The following KCNH8 variants were observed in gnomAD, a reference collection of about 807,000 sequenced individuals.
The protein encoded by KCNH8 is potassium voltage-gated channel subfamily H member 8.
A neutral mutation model predicts 103.6 loss-of-function variants in KCNH8; 70 were observed. The ratio of observed to expected loss-of-function variants is 0.68; its 90% CI spans 0.56 to 0.82. The LOEUF is 0.82. Among genes scored for constraint, KCNH8 ranks in the 40% least tolerant of loss-of-function variants. The pLI is 0.00. For synonymous variants in KCNH8, 498 were observed against 489.4 expected, an observed-to-expected ratio of 1.02 and a Z score of -0.23; for missense variants, 1,217 against 1,329.9, an observed-to-expected ratio of 0.92 and a Z score of 1.32.
At chr3:19,406,460 T>C (rs1229710188) in intron 7 of KCNH8, among the ~76,000 whole-genome samples, 1 of 152,156 alleles carries the variant, frequency 6.6e-6, no homozygotes, top group East Asian at 1.9e-4. Flanking sequence ...ATAACCTGTT[T>C]TAAAATGTTC....
chr3:19,245,679 A>C (rs1474477420), intron 1 of KCNH8, among the ~76,000 whole-genome samples: 1 of 151,844 alleles, frequency 6.6e-6, no homozygotes, highest in East Asian at 1.9e-4. Context: ...AGTTGTATTC[A>C]TGGGTATTTT....
chr3:19,308,670 C>G (rs1248825843), intron 3 of KCNH8, among the ~76,000 whole-genome samples: 3 of 37,704 alleles, frequency 8.0e-5, no homozygotes, highest in African/African-American at 4.3e-4. Flanking sequence ...CTCTCTCTCT[C>G]TCTCTCTCTC....
At position 19,178,076 on chromosome 3, in the gene KCNH8, G is replaced by A. The variant is rs193058149; in HGVS notation, c.76+29281G>A. On this transcript the variant is annotated intron_variant, in intron 1 of 15. Coordinates refer to ENST00000328405, the MANE Select transcript of KCNH8 (RefSeq NM_144633.3). ...TCAAAATTAATTTATGCCTTCTAGC[G>A]ACACTGAATAGCACAGGGAAGTAAA... 2.6e-5 allele frequency among the ~76,000 whole-genome samples: 4 copies of A among 151,934 alleles called. No homozygotes were observed. The East Asian group carries it at 7.7e-4, about 29-fold the overall frequency.
At chr3:19,256,663 A>G (rs2064350425) in intron 2 of KCNH8, among the ~76,000 whole-genome samples, 1 of 152,088 alleles carries the variant, frequency 6.6e-6, no homozygotes, top group South Asian at 2.1e-4. Flanking sequence ...TCTAGGTGTC[A>G]GGACCAAACA....
At chr3:19,477,141 T>C (rs1308405734) in intron 11 of KCNH8, among the ~76,000 whole-genome samples, 2 of 152,140 alleles carry the variant, frequency 1.3e-5, no homozygotes, top group Non-Finnish European at 2.9e-5. Context: ...TTAGGAAAAC[T>C]GTTATTTAAG....
intron 5 of KCNH8, among the ~76,000 whole-genome samples, chr3:19,389,979 G>A (rs2066412869): frequency 6.6e-6 from 1 of 152,000 alleles, no homozygotes; most frequent in Admixed American, 6.6e-5. Flanking sequence ...TATGATCTTG[G>A]ATGAATTACT....
chr3:19,152,322 T>C (rs2063138566), intron 1 of KCNH8, among the ~76,000 whole-genome samples: 1 of 152,162 alleles, frequency 6.6e-6, no homozygotes, highest in Non-Finnish European at 1.5e-5. Context: ...TTTAGTACAA[T>C]TGTTTGTCAC....
chr3:19,485,727 T>G (rs1451412116), intron 11 of KCNH8, among the ~76,000 whole-genome samples: 1 of 152,194 alleles, frequency 6.6e-6, no homozygotes, highest in Non-Finnish European at 1.5e-5. Flanking sequence ...AAGGGGTAGA[T>G]GCTGCTTTTC....
intron 8 of KCNH8, among the ~76,000 whole-genome samples, chr3:19,441,386 A>G (rs549918701): frequency 1.2e-4 from 19 of 152,292 alleles, no homozygotes; most frequent in Admixed American, 3.3e-4. Flanking sequence ...CCAGTTCTCT[A>G]TACTGAATTA....
At position 19,352,594 on chromosome 3, in the gene KCNH8, C is replaced by G. The variant is rs866954521; in HGVS notation, c.811+4629C>G. ...ATTAAGAACCTCACTCAAAACCACT[C>G]GACTACATGGAAACTGAACAATGTG... On this transcript the variant is annotated intron_variant, in intron 5 of 15. Transcript: ENST00000328405. Among the ~76,000 whole-genome samples, 7 of 152,146 alleles carry G rather than the reference C, an allele frequency of 4.6e-5. No individual in the cohort carries two copies. In the East Asian group the frequency reaches 5.8e-4, roughly 13 times the overall value.
intron 1 of KCNH8, among the ~76,000 whole-genome samples, chr3:19,177,806 A>G (rs2063414935): frequency 1.3e-5 from 2 of 152,114 alleles, no homozygotes; most frequent in African/African-American, 2.4e-5. Context: ...TCTTCTGTTT[A>G]TAGACAATTA....
chr3:19,482,931 C>G (rs923919807), intron 11 of KCNH8, among the ~76,000 whole-genome samples: 1 of 152,164 alleles, frequency 6.6e-6, no homozygotes. Flanking sequence ...CAGCTTGTAA[C>G]CGTATGATTT....
intron 8 of KCNH8, among the ~76,000 whole-genome samples, chr3:19,440,708 C>A (rs2067270245): frequency 6.6e-6 from 1 of 152,032 alleles, no homozygotes; most frequent in African/African-American, 2.4e-5. Context: ...AAGTGTATAA[C>A]CAAATACTTA....
chr3:19,157,664 GA>G (rs1306156949), intron 1 of KCNH8, among the ~76,000 whole-genome samples: 1 of 151,944 alleles, frequency 6.6e-6, no homozygotes, highest in African/African-American at 2.4e-5. Context: ...ATTAATGGAT[GA>G]AAAGTGGTTT....
intron 3 of KCNH8, among the ~76,000 whole-genome samples, chr3:19,321,994 T>A (rs1391661648): frequency 6.6e-6 from 1 of 152,088 alleles, no homozygotes; most frequent in Non-Finnish European, 1.5e-5. Flanking sequence ...TTGTCTGATA[T>A]AAGAATAGCT....
At chr3:19,378,386 G>T (rs547881418) in intron 5 of KCNH8, among the ~76,000 whole-genome samples, 40 of 152,278 alleles carry the variant, frequency 2.6e-4, no homozygotes, top group African/African-American at 9.1e-4. Context: ...GTACAATAGA[G>T]TTGCATTACA....
At chr3:19,243,920 T>G (rs1210811681) in intron 1 of KCNH8, among the ~76,000 whole-genome samples, 3 of 152,176 alleles carry the variant, frequency 2.0e-5, no homozygotes, top group Non-Finnish European at 4.4e-5. Context: ...TTAGTATTCT[T>G]AGAATATGGC....
chr3:19,208,965 A>C (rs184561134), intron 1 of KCNH8, among the ~76,000 whole-genome samples: 51 of 152,116 alleles, frequency 3.4e-4, no homozygotes, highest in Non-Finnish European at 5.6e-4. Flanking sequence ...TTGTTCAGTA[A>C]ACAAAATCAC....
At chr3:19,203,878 G>A (rs2063687367) in intron 1 of KCNH8, among the ~76,000 whole-genome samples, 1 of 151,976 alleles carries the variant, frequency 6.6e-6, no homozygotes, top group East Asian at 1.9e-4. Context: ...AGCAGAAAGT[G>A]ACTGTTATGC....
Sources: gnomAD v4.1 joint callset for allele counts (sites outside exome capture counted in the v4.1 genomes callset) on GRCh38, gnomAD v4.1.1 for gene constraint, MANE v1.5 for transcripts, NCBI Gene and HGNC (gene_info 2026-07-23, HGNC 2026-07-21) for gene names.